The following SGO2 variants were observed in gnomAD, a reference collection of about 807,000 sequenced individuals.
SGO2 encodes the protein shugoshin 2.
SGO2 carries 68 observed loss-of-function variants against 99.5 expected under a neutral mutation model. The observed-to-expected ratio is 0.68, with a 90% confidence interval of 0.56 to 0.84. The LOEUF (loss-of-function observed/expected upper bound fraction) is 0.84. SGO2 is among the 40% of genes least tolerant of loss of function. The pLI, the probability that SGO2 is intolerant of heterozygous loss-of-function variation, is 0.00. For missense variants in SGO2, 1,350 were observed against 1,436.7 expected (o/e 0.94, Z 0.97); for synonymous variants, 457 against 487.1 (o/e 0.94, Z 0.81).
intron 7 of SGO2, among the ~76,000 whole-genome samples, chr2:200,574,244 G>A (rs2033571555): frequency 6.6e-6 from 1 of 151,916 alleles, no homozygotes; most frequent in South Asian, 2.1e-4. Context: ...AAAGACCATA[G>A]GCAAATAATT....
intron 4 of SGO2, among the ~76,000 whole-genome samples, chr2:200,538,307 G>A (rs1013678709): frequency 9.9e-5 from 15 of 152,026 alleles, no homozygotes; most frequent in African/African-American, 3.6e-4. Flanking sequence ...TCCCTCAGAG[G>A]TGAGCTGCTA....
Position 200,575,393 on chromosome 2 carries a change from A to C in SGO2, c.3714A>C (p.Leu1238=). The part of the protein sequence containing the change: ...TAESENKSED[L]SSERTSRRRR... ...AATCTGAAAATAAGTCAGAAGATCT[A>C]TCTTCAGAACGGACAAGCAGAAGAA... Residue 1238 remains leucine (L), a synonymous_variant, in exon 8 of 9, where the codon CTA becomes CTC. Coordinates refer to ENST00000357799, the MANE Select transcript of SGO2 (RefSeq NM_152524.6). 1 of 1,607,258 alleles carries C rather than the reference A, an allele frequency of 6.2e-7. No individual in the cohort carries two copies. Among genetic ancestry groups the C allele is most frequent in the Non-Finnish European group, 8.5e-7 (1 of 1,175,476 alleles).
intron 4 of SGO2, among the ~76,000 whole-genome samples, chr2:200,541,882 T>A (rs1199372682): frequency 6.6e-6 from 1 of 152,252 alleles, no homozygotes; most frequent in Admixed American, 6.5e-5. Context: ...CTGTTCTATG[T>A]CATTGATCTA....
At position 200,526,885 on chromosome 2, in the gene SGO2, G is replaced by A. The variant is rs1002783217; in HGVS notation, c.-3+633G>A. Among the ~76,000 whole-genome samples, 1 of 152,186 alleles carries A rather than the reference G, an allele frequency of 6.6e-6. No homozygotes were observed. The highest frequency in any genetic ancestry group is 2.4e-5 in the African/African-American group (1 of 41,446). The stretch of plus-strand genomic sequence containing the variant: ...GTGTCACAGAGTGCTGGTATTGAGT[G>A]CTGATAGTTTACCAGGTCCCGTACT... On this transcript the variant is annotated intron_variant, in intron 1 of 8. Coordinates refer to ENST00000357799, the MANE Select transcript of SGO2 (RefSeq NM_152524.6). This position sits in a 1 kb window ranked among gnomAD's most constrained non-coding sequence, Gnocchi z 4.8.
In SGO2 at chr2:200,569,719, A is replaced by T; in HGVS notation, c.530A>T (p.Asp177Val). Residue 177 changes from aspartate to valine, a missense_variant, in exon 6 of 9, where the codon GAC (aspartate) becomes GTC (valine). By Grantham distance (152) the Asp-to-Val change is radical. Coordinates refer to ENST00000357799, the MANE Select transcript of SGO2 (RefSeq NM_152524.6). ...GAAGATAAAGAGAAAATGCAGTGTG[A>T]CAACAATATTAAATCAAAGACATTA... ...EDEDKEKMQC[D>V]NNIKSKTLPD... 1 of 1,612,810 alleles carries T rather than the reference A, an allele frequency of 6.2e-7. No homozygotes were observed. The highest frequency in any genetic ancestry group is 8.5e-7 in the Non-Finnish European group (1 of 1,179,328).
chr2:200,564,059 C>T (rs1302633185), intron 5 of SGO2, among the ~76,000 whole-genome samples: 2 of 152,166 alleles, frequency 1.3e-5, no homozygotes, highest in Non-Finnish European at 2.9e-5. Flanking sequence ...TCTCTATCTC[C>T]TTCAGTTCTG....
intron 5 of SGO2, among the ~76,000 whole-genome samples, chr2:200,569,440 G>T (rs2033308295): frequency 6.6e-6 from 1 of 151,700 alleles, no homozygotes; most frequent in Non-Finnish European, 1.5e-5. Context: ...TCTTCTTTTG[G>T]GGCCACTGTG....
At chr2:200,529,231 A>G (rs746450595) in intron 1 of SGO2, among the ~76,000 whole-genome samples, 4 of 152,226 alleles carry the variant, frequency 2.6e-5, no homozygotes, top group Non-Finnish European at 4.4e-5. Context: ...GCATTTACAC[A>G]TGCCATTCTT....
chr2:200,555,312 G>A (rs185318948), intron 5 of SGO2, among the ~76,000 whole-genome samples: 263 of 152,126 alleles, frequency 1.7e-3, no homozygotes, highest in Middle Eastern at 6.8e-3. Flanking sequence ...ACAAACAAAA[G>A]AAGATCCAGT....
At chr2:200,542,557 T>C in intron 4 of SGO2, 22 bp from the exon 5 acceptor site, 5 of 1,579,982 alleles carry the variant, frequency 3.2e-6, no homozygotes, top group Middle Eastern at 1.7e-4. Context: ...AACTTTGTTT[T>C]CTTTATTTTT....
chr2:200,564,741 G>T (rs1338118506), intron 5 of SGO2, among the ~76,000 whole-genome samples: 1 of 152,140 alleles, frequency 6.6e-6, no homozygotes, highest in African/African-American at 2.4e-5. Flanking sequence ...GAATCTGGGT[G>T]CTCCTGTATT....
Position 200,571,876 on chromosome 2 carries a change from A to G in SGO2, c.1530A>G (p.Ser510=). 6.2e-7 allele frequency: 1 copy of G among 1,613,620 alleles called. No individual in the cohort carries two copies. Among genetic ancestry groups the G allele is most frequent in the African/African-American group, 1.3e-5 (1 of 75,038 alleles). Residue 510 remains serine, a synonymous_variant, in exon 7 of 9, where the codon TCA becomes TCG. Transcript: ENST00000357799. ...QEETYSLSQS[S]GKFHQESKFD... ...AAACATACTCTTTATCCCAAAGTTC[A>G]GGTAAATTTCACCAGGAGAGTAAAT...
At chr2:200,530,922 G>C (rs370128899) in intron 1 of SGO2, among the ~76,000 whole-genome samples, 2 of 152,228 alleles carry the variant, frequency 1.3e-5, no homozygotes, top group East Asian at 3.8e-4. Flanking sequence ...TATAGACAAT[G>C]TTTTCAAGGA....
intron 5 of SGO2, among the ~76,000 whole-genome samples, chr2:200,563,447 G>A (rs2033057293): frequency 6.6e-6 from 1 of 152,190 alleles, no homozygotes; most frequent in Non-Finnish European, 1.5e-5. Context: ...ATGTGCTGCA[G>A]GATTTGGTTT....
At position 200,526,215 on chromosome 2, in the gene SGO2, C is replaced by T. The variant is rs2031074175; in HGVS notation, c.-40C>T. On this transcript the variant is annotated 5_prime_UTR_variant, in exon 1 of 9. Coordinates refer to ENST00000357799, the MANE Select transcript of SGO2 (RefSeq NM_152524.6). The surrounding 1 kb of genome is among the most constrained non-coding windows in gnomAD (Gnocchi z 4.8). Reference sequence around the variant, plus strand: ...CGCAGCCGCTGCTGCTCGCCGAGCTCCCGGAGCTGGGTGGGGGTGCCCCAC... The same window carrying T: ...CGCAGCCGCTGCTGCTCGCCGAGCTTCCGGAGCTGGGTGGGGGTGCCCCAC... 2 of 152,506 alleles carry T rather than the reference C, an allele frequency of 1.3e-5. No homozygotes were observed. Among genetic ancestry groups the T allele is most frequent in the South Asian group, 4.1e-4 (2 of 4,832 alleles). 9.4% of individuals were successfully genotyped at this position (152,506 alleles called of 1,614,324 possible).
chr2:200,528,498 T>A lies in SGO2; in HGVS notation c.-3+2246T>A, dbSNP rs138645181. On this transcript the variant is annotated intron_variant, in intron 1 of 8. Coordinates refer to ENST00000357799, the MANE Select transcript of SGO2 (RefSeq NM_152524.6). The stretch of plus-strand genomic sequence containing the variant: ...GACCTGAGCAACTGAAAGAATGGAG[T>A]TGTCATTAAGTGAGCTAGGGAGGAC... 2.7e-3 allele frequency among the ~76,000 whole-genome samples: 417 copies of A among 152,048 alleles called. 2 individuals are homozygous for A. The highest frequency in any genetic ancestry group is 9.5e-3 in the African/African-American group (393 of 41,472).
At chr2:200,582,418 C>A (rs2033867734) in intron 8 of SGO2, among the ~76,000 whole-genome samples, 2 of 152,172 alleles carry the variant, frequency 1.3e-5, no homozygotes, top group South Asian at 4.2e-4. Flanking sequence ...GATCTACTTT[C>A]TCAGTAAAAG....
intron 1 of SGO2, among the ~76,000 whole-genome samples, chr2:200,527,689 A>G (rs2031166992): frequency 6.6e-6 from 1 of 152,206 alleles, no homozygotes; most frequent in South Asian, 2.1e-4. Context: ...TTCTTCCACA[A>G]ATGTTTATCC....
At chr2:200,583,412 G>C in intron 8 of SGO2, 37 bp from the exon 9 acceptor site, 2 of 1,558,790 alleles carry the variant, frequency 1.3e-6, no homozygotes, top group South Asian at 2.5e-5. Flanking sequence ...CATTAATTTT[G>C]GGTTGTTATT....
Sources: gnomAD v4.1 joint callset for allele counts (sites outside exome capture counted in the v4.1 genomes callset) on GRCh38, gnomAD v4.1.1 for gene constraint, Gnocchi (gnomAD v3.1) non-coding constraint, MANE v1.5 for transcripts, NCBI Gene and HGNC (gene_info 2026-07-23, HGNC 2026-07-21) for gene names.